RASEF: variants seen among roughly 807,000 people sequenced by gnomAD.
The protein encoded by RASEF is RAS and EF-hand domain containing, also known as ras and EF-hand domain-containing protein.
In RASEF, 68 loss-of-function variants were observed where a neutral mutation model predicts 90.1. The ratio of observed to expected loss-of-function variants is 0.75; its 90% confidence interval spans 0.62 to 0.92. RASEF has a LOEUF of 0.92. Ranked by LOEUF, RASEF falls within the 40% of genes least tolerant of loss-of-function variation. The probability of loss-of-function intolerance (pLI) is 0.00; values close to 1 mark genes in which losing one functional copy is unlikely to be tolerated. For missense variants in RASEF, 949 were observed against 937.2 expected (o/e 1.01, Z -0.16); for synonymous variants, 331 against 345.2 (o/e 0.96, Z 0.46).
At chr9:83,094,368 A>G in the RASEF span, among the ~76,000 whole-genome samples, 1 of 146,098 alleles carries the variant, frequency 6.8e-6, no homozygotes, top group East Asian at 1.9e-4. Flanking sequence ...TGTTAAAATG[A>G]TAATATTTCA....
chr9:82,991,433 T>G (rs1328078636), intron 15 of RASEF, among the ~76,000 whole-genome samples: 1 of 152,214 alleles, frequency 6.6e-6, no homozygotes, highest in Non-Finnish European at 1.5e-5. Flanking sequence ...CCTGTCTGAC[T>G]AGCTGGAGAC....
chr9:83,083,462 A>G, the RASEF span, among the ~76,000 whole-genome samples: 5 of 152,336 alleles, frequency 3.3e-5, no homozygotes, highest in South Asian at 1.0e-3. Context: ...AAAATGATAT[A>G]CTTGAACAAA....
intron 1 of RASEF, among the ~76,000 whole-genome samples, chr9:83,034,651 G>A (rs1564084131): frequency 6.6e-6 from 1 of 152,188 alleles, no homozygotes; most frequent in Non-Finnish European, 1.5e-5. Context: ...GAAACAGCAG[G>A]AAGCATCATG....
the RASEF span, among the ~76,000 whole-genome samples, chr9:83,172,018 T>A: frequency 6.6e-6 from 1 of 151,926 alleles, no homozygotes; most frequent in Non-Finnish European, 1.5e-5. Flanking sequence ...TTATTTGAAG[T>A]CTTTCTACTT....
At chr9:83,132,067 A>G in the RASEF span, among the ~76,000 whole-genome samples, 1 of 152,198 alleles carries the variant, frequency 6.6e-6, no homozygotes, top group East Asian at 1.9e-4. Flanking sequence ...GAACTTTACT[A>G]CTTCCTCAAC....
chr9:83,033,187 A>T (rs750622772), intron 1 of RASEF, among the ~76,000 whole-genome samples: 2 of 152,154 alleles, frequency 1.3e-5, no homozygotes, highest in African/African-American at 2.4e-5. Flanking sequence ...CCACAAGAAC[A>T]CTGATGCTAA....
chr9:83,152,216 T>C, the RASEF span, among the ~76,000 whole-genome samples: 1 of 152,160 alleles, frequency 6.6e-6, no homozygotes, highest in African/African-American at 2.4e-5. Context: ...TTGACCCTAC[T>C]CTAGGAAAAA....
At chr9:83,197,815 C>T in the RASEF span, among the ~76,000 whole-genome samples, 3 of 152,186 alleles carry the variant, frequency 2.0e-5, no homozygotes, top group Admixed American at 6.5e-5. Flanking sequence ...GGTTTATTAA[C>T]GACTTGGCCA....
At chr9:83,078,347 A>G in the RASEF span, among the ~76,000 whole-genome samples, 3 of 152,132 alleles carry the variant, frequency 2.0e-5, no homozygotes, top group African/African-American at 7.2e-5. Context: ...ACTTACCTTG[A>G]GCTGTTTCTT....
chr9:83,149,244 A>G, the RASEF span, among the ~76,000 whole-genome samples: 1 of 152,188 alleles, frequency 6.6e-6, no homozygotes, highest in African/African-American at 2.4e-5. Context: ...CACCATACAG[A>G]TATTGTGCCT....
At chr9:83,088,964 T>G in the RASEF span, among the ~76,000 whole-genome samples, 1 of 152,172 alleles carries the variant, frequency 6.6e-6, no homozygotes, top group African/African-American at 2.4e-5. Context: ...TTGCTATTTG[T>G]TTCCTATGCC....
At chr9:83,180,005 T>C in the RASEF span, among the ~76,000 whole-genome samples, 1 of 151,864 alleles carries the variant, frequency 6.6e-6, no homozygotes, top group Non-Finnish European at 1.5e-5. Flanking sequence ...AGATAAATTC[T>C]GAGCAACAGA....
chr9:83,092,018 T>TTTTTTTTTTTTTTTTTTTTTTTTTTTTG, the RASEF span, among the ~76,000 whole-genome samples: 1 of 142,080 alleles, frequency 7.0e-6, no homozygotes, highest in Non-Finnish European at 1.5e-5. Context: ...TTTTTTTTTT[T>TTTTTTTTTTTTTTTTTTTTTTTTTTTTG]TTTTTTTTTT....
the RASEF span, among the ~76,000 whole-genome samples, chr9:83,163,992 A>G: frequency 7.6e-6 from 1 of 131,948 alleles, no homozygotes; most frequent in Non-Finnish European, 1.7e-5. Context: ...ATCTTACTTG[A>G]GAGGAAAAAA....
chr9:83,103,524 G>A, the RASEF span, among the ~76,000 whole-genome samples: 1 of 152,082 alleles, frequency 6.6e-6, no homozygotes, highest in African/African-American at 2.4e-5. Flanking sequence ...AAAAATATTG[G>A]TTATTATTAA....
chr9:83,192,088 T>G, the RASEF span, among the ~76,000 whole-genome samples: 1 of 152,142 alleles, frequency 6.6e-6, no homozygotes, highest in Non-Finnish European at 1.5e-5. Context: ...GAAAAGGGGA[T>G]GCTTATACAC....
At chr9:83,029,590 G>C (rs1444996245) in intron 1 of RASEF, among the ~76,000 whole-genome samples, 1 of 148,374 alleles carries the variant, frequency 6.7e-6, no homozygotes, top group Non-Finnish European at 1.5e-5. Flanking sequence ...ATTTTTAGTA[G>C]GGACGGGGTT....
chr9:83,102,864 C>A, the RASEF span, among the ~76,000 whole-genome samples: 1 of 152,100 alleles, frequency 6.6e-6, no homozygotes, highest in African/African-American at 2.4e-5. Context: ...GGGGTACAAG[C>A]CTTGGATTGG....
At chr9:83,165,745 A>G in the RASEF span, among the ~76,000 whole-genome samples, 1 of 152,158 alleles carries the variant, frequency 6.6e-6, no homozygotes, top group African/African-American at 2.4e-5. Flanking sequence ...TACAATAGAT[A>G]AGCCTCTACC....
Sources: allele counts gnomAD v4.1 joint callset (sites outside exome capture counted in the v4.1 genomes callset), GRCh38; gene constraint gnomAD v4.1.1; transcripts MANE v1.5; gene names NCBI Gene and HGNC (gene_info 2026-07-23, HGNC 2026-07-21).